PRMT7: variants seen among roughly 807,000 people sequenced by gnomAD.
The protein encoded by PRMT7 is protein arginine methyltransferase 7, also known as protein arginine N-methyltransferase 7.
PRMT7 carries 75 observed loss-of-function variants against 85.4 expected under a neutral mutation model. The ratio of observed to expected loss-of-function variants is 0.88; its 90% CI spans 0.73 to 1.06. PRMT7 has a LOEUF of 1.06. PRMT7 is among the 50% of genes least tolerant of loss of function. PRMT7 has a pLI of 0.00. For synonymous variants in PRMT7, 397 were observed against 359.5 expected (o/e 1.10, Z -1.18); for missense variants, 868 against 915.2 (o/e 0.95, Z 0.67).
At chr16:68,352,476 A>G in intron 15 of PRMT7, 67 bp downstream of exon 15, 2 of 1,514,860 alleles carry the variant, frequency 1.3e-6, no homozygotes, top group Non-Finnish European at 1.8e-6. Flanking sequence ...GTTTTCTTGC[A>G]GGAACCTTGG....
chr16:68,329,102 G>A lies in PRMT7; in HGVS notation c.319G>A (p.Val107Met). 1 of 1,612,672 alleles carries A rather than the reference G, an allele frequency of 6.2e-7. No individual in the cohort carries two copies. The highest frequency in any genetic ancestry group is 8.5e-7 in the Non-Finnish European group (1 of 1,178,766). ...KPMADAAVKIVEKNGFSDKIK... is the reference protein window; with the variant it reads ...KPMADAAVKIMEKNGFSDKIK... ...TATGGCTGATGCTGCTGTGAAGATT[G>A]TGGAGAAAAATGGCTTTAGTGATAA... is the stretch of plus-strand genomic sequence containing the variant. The change falls in exon 6 of 19, where the codon GTG becomes ATG. Residue 107 changes from valine (V) to methionine (M), a missense_variant. By Grantham distance (21) the Val-to-Met change is conservative. Coordinates refer to ENST00000441236, the MANE Select transcript of PRMT7 (RefSeq NM_019023.5).
In PRMT7 at chr16:68,345,784, A is replaced by G. The variant is rs757525215; in HGVS notation, c.1037A>G (p.Tyr346Cys). 6.2e-7 allele frequency: 1 copy of G among 1,614,112 alleles called. No homozygotes were observed. Among genetic ancestry groups the G allele is most frequent in the South Asian group, 1.1e-5 (1 of 91,074 alleles). The change falls in exon 10 of 19, where the codon TAC becomes TGC. Residue 346 changes from tyrosine to cysteine, a missense_variant. Tyr to Cys is a radical substitution (Grantham distance 194). Coordinates refer to ENST00000441236, the MANE Select transcript of PRMT7 (RefSeq NM_019023.5). Reference protein sequence around the residue: ...VAHHDDYCVWYSLQRTSPEKN... With the variant: ...VAHHDDYCVWCSLQRTSPEKN... ...CACCACGATGACTACTGCGTATGGTACAGCCTGCAGAGGACCAGGTACGTC... is the reference window on the plus strand; with the variant it reads ...CACCACGATGACTACTGCGTATGGTGCAGCCTGCAGAGGACCAGGTACGTC...
At chr16:68,357,026 C>T in intron 18 of PRMT7, 28 bp from the exon 19 acceptor site, 1 of 1,580,102 alleles carries the variant, frequency 6.3e-7, no homozygotes, top group Non-Finnish European at 8.6e-7. Flanking sequence ...AGGGAGCCCT[C>T]ACCATCTTCC....
intron 17 of PRMT7, 30 bp downstream of exon 17, chr16:68,355,913 A>C (rs2088339748): frequency 6.5e-7 from 1 of 1,526,834 alleles, no homozygotes; most frequent in Non-Finnish European, 8.8e-7. Flanking sequence ...GGGGGCAGGG[A>C]GGGGCTGCTG....
At chr16:68,347,425 C>T in intron 12 of PRMT7, 131 bp downstream of exon 12, 1 of 1,100,334 alleles carries the variant, frequency 9.1e-7, no homozygotes. Flanking sequence ...ATGCTCGGGT[C>T]AGGGGCTGGG....
intron 6 of PRMT7, among the ~76,000 whole-genome samples, chr16:68,331,248 G>C (rs2083849332): frequency 6.6e-6 from 1 of 151,826 alleles, no homozygotes; most frequent in Non-Finnish European, 1.5e-5. Context: ...CGTGATGCTG[G>C]TAAGATTCTT....
intron 6 of PRMT7, among the ~76,000 whole-genome samples, chr16:68,330,470 C>T (rs1309450072): frequency 2.0e-5 from 3 of 152,006 alleles, no homozygotes; most frequent in Admixed American, 6.6e-5. Context: ...TTTTTCACCA[C>T]GGTTTTGGAG....
chr16:68,351,495 C>T (rs548810955), intron 14 of PRMT7: 30 of 152,584 alleles, frequency 2.0e-4, no homozygotes, highest in Admixed American at 2.0e-3. Context: ...ATGAAAACTT[C>T]TAGTGACATC....
chr16:68,360,777 A>AGCGTGGC (rs773224773), downstream of PRMT7: 213 of 168,868 alleles, frequency 1.3e-3, no homozygotes, highest in Admixed American at 2.3e-3. Context: ...CTGTGGCTAC[A>AGCGTGGC]GCGTGGCACG....
At chr16:68,351,962 C>A in intron 14 of PRMT7, 1 of 279,792 alleles carries the variant, frequency 3.6e-6, no homozygotes, top group South Asian at 8.7e-5. Flanking sequence ...GTCTGCTTCC[C>A]TCTTCTGCTC....
At chr16:68,324,934 C>A (rs2082928582) in intron 5 of PRMT7, 102 bp downstream of exon 5, 3 of 1,470,428 alleles carry the variant, frequency 2.0e-6, no homozygotes, top group Non-Finnish European at 2.8e-6. Context: ...TCATGGAGTG[C>A]TCACTCTGTG....
chr16:68,324,729 A>G lies in PRMT7; in HGVS notation c.179A>G (p.Lys60Arg). ...QGIRAAVSRV[K>R]DRGQKALVLD... ...ATCCGGGCTGCCGTGAGCAGGGTGAAGGACAGAGGACAGAAGGCCTTGGTT... is the reference window on the plus strand; with the variant it reads ...ATCCGGGCTGCCGTGAGCAGGGTGAGGGACAGAGGACAGAAGGCCTTGGTT... Residue 60 changes from lysine to arginine, a missense_variant, in exon 5 of 19, where the codon AAG becomes AGG. Coordinates refer to ENST00000441236, the MANE Select transcript of PRMT7 (RefSeq NM_019023.5). 1 of 1,614,140 alleles carries G rather than the reference A, an allele frequency of 6.2e-7. No homozygotes were observed. Among genetic ancestry groups the G allele is most frequent in the African/African-American group, 1.3e-5 (1 of 75,066 alleles).
At chr16:68,316,624 G>T (rs184086616) in intron 3 of PRMT7, among the ~76,000 whole-genome samples, 5 of 152,150 alleles carry the variant, frequency 3.3e-5, no homozygotes, top group Non-Finnish European at 7.4e-5. Context: ...AATTAGCTGG[G>T]CATGGTGGCT....
intron 18 of PRMT7, 118 bp from the exon 19 acceptor site, chr16:68,356,936 G>A (rs2151949652): frequency 7.3e-7 from 1 of 1,373,264 alleles, no homozygotes; most frequent in Non-Finnish European, 9.9e-7. Context: ...AGTGGTCCTG[G>A]GCCATCTGGC....
intron 7 of PRMT7, among the ~76,000 whole-genome samples, chr16:68,338,852 G>A (rs747809679): frequency 1.3e-5 from 2 of 152,156 alleles, no homozygotes; most frequent in Non-Finnish European, 2.9e-5. Flanking sequence ...GAGGAGAGCC[G>A]GACAAGGAGC....
At position 68,355,571 on chromosome 16, in the gene PRMT7, G is replaced by A. The variant is rs565072980; in HGVS notation, c.1651-152G>A. ...ACTGATGAGAGAGAAGTGGCAGAGA[G>A]GGGGCGCCGCTGGTCTGCTGGGCGC... On this transcript the variant is annotated intron_variant, in intron 16 of 18. Coordinates refer to ENST00000441236, the MANE Select transcript of PRMT7 (RefSeq NM_019023.5). 1.6e-5 allele frequency: 12 copies of A among 732,356 alleles called. No individual in the cohort carries two copies. In the South Asian group the frequency reaches 2.5e-4, roughly 15 times the overall value. The allele number at this position is 732,356 out of a possible 1,614,324, so 45.4% of individuals were successfully genotyped here.
intron 14 of PRMT7, 186 bp from the exon 15 acceptor site, chr16:68,352,062 T>C: frequency 1.7e-6 from 1 of 598,914 alleles, no homozygotes; most frequent in Non-Finnish European, 2.9e-6. Flanking sequence ...GCTTGTTTGT[T>C]GACTGAGGGA....
At chr16:68,340,803 C>T (rs1043179556) in intron 9 of PRMT7, among the ~76,000 whole-genome samples, 2 of 152,144 alleles carry the variant, frequency 1.3e-5, no homozygotes, top group African/African-American at 4.8e-5. Flanking sequence ...GTGTGCAGCC[C>T]TGGTTTAGTA....
At position 68,339,325 on chromosome 16, in the gene PRMT7, A is replaced by T. The variant is rs764705851; in HGVS notation, c.508A>T (p.Asn170Tyr). The T allele has an allele frequency of 3.1e-6, 5 of 1,613,454 alleles. No individual in the cohort carries two copies. Among genetic ancestry groups the T allele is most frequent in the Non-Finnish European group, 4.2e-6 (5 of 1,179,526 alleles). The change falls in exon 8 of 19, where the codon AAT (asparagine) becomes TAT (tyrosine). Residue 170 changes from asparagine (N) to tyrosine (Y), a missense_variant. Physicochemically the swap from Asn to Tyr is moderately radical, Grantham distance 143. Transcript: ENST00000441236. ...TTTGTTTTTAATATAAACTTAGGAA[A>T]ATTGTGAGGCCGTGCCCCACAGAGC... ...EHAHRHLVEE[N>Y]CEAVPHRATV...
Sources: allele counts gnomAD v4.1 joint callset (sites outside exome capture counted in the v4.1 genomes callset), GRCh38; gene constraint gnomAD v4.1.1; transcripts MANE v1.5; gene names NCBI Gene and HGNC (gene_info 2026-07-23, HGNC 2026-07-21).